HMGB1: variants seen among roughly 807,000 people sequenced by gnomAD.
HMGB1 encodes high mobility group protein B1.
For synonymous variants in HMGB1, 81 were observed against 84.0 expected, an observed-to-expected ratio of 0.96 and a Z score of 0.19; for missense variants, 79 against 253.5, an observed-to-expected ratio of 0.31 and a Z score of 4.67.
At chr13:30,555,403 A>G (rs1269881713) in intron 1 of HMGB1, among the ~76,000 whole-genome samples, 2 of 152,152 alleles carry the variant, frequency 1.3e-5, no homozygotes, top group East Asian at 3.9e-4. Flanking sequence ...ATTAGGAGAG[A>G]TTAATTTGTG....
rs116399841 is a variant in HMGB1 at position 30,598,591 on chromosome 13, A to G, written c.-15+18080T>C. On this transcript the variant is annotated intron_variant, in intron 1 of 4. Transcript: ENST00000405805. Reference sequence around the variant, plus strand: ...ATAACTAAAGCTTGCTAGACAAAATACACCTGAAAATATAGGAAGTGAGCT... The same window carrying G: ...ATAACTAAAGCTTGCTAGACAAAATGCACCTGAAAATATAGGAAGTGAGCT... Among the ~76,000 whole-genome samples the G allele has an allele frequency of 7.5e-3, 1,146 of 152,336 alleles. 10 individuals are homozygous for G. The highest frequency in any genetic ancestry group is 0.025 in the African/African-American group (1,055 of 41,574).
chr13:30,502,735 T>A (rs1463237796), intron 1 of HMGB1, among the ~76,000 whole-genome samples: 2 of 151,930 alleles, frequency 1.3e-5, no homozygotes, highest in Non-Finnish European at 2.9e-5. Flanking sequence ...CCCGGCTCAC[T>A]GCAACCTCCA....
At chr13:30,533,959 G>C (rs1378635216) in intron 1 of HMGB1, among the ~76,000 whole-genome samples, 1 of 151,212 alleles carries the variant, frequency 6.6e-6, no homozygotes. Context: ...CCGCCTCCCA[G>C]GTTCAAGCAA....
chr13:30,520,738 G>A (rs936876693), intron 1 of HMGB1, among the ~76,000 whole-genome samples: 2 of 152,170 alleles, frequency 1.3e-5, no homozygotes, highest in Non-Finnish European at 2.9e-5. Context: ...TATTCACTCA[G>A]TATCGTCCTC....
intron 1 of HMGB1, chr13:30,464,462 C>T (rs1353275322): frequency 1.9e-5 from 19 of 984,958 alleles, no homozygotes; most frequent in Non-Finnish European, 2.3e-5. Flanking sequence ...GTGACTCCTG[C>T]GCGGGGCGAG....
intron 1 of HMGB1, among the ~76,000 whole-genome samples, chr13:30,555,186 C>T (rs1056495429): frequency 6.6e-6 from 1 of 151,752 alleles, no homozygotes; most frequent in Admixed American, 6.6e-5. Context: ...GGAATACAGG[C>T]GCCCGCCACC....
rs942406341 is a variant in HMGB1, at chr13:30,557,357, G to A, written c.-15+59314C>T. On this transcript the variant is annotated intron_variant, in intron 1 of 4. Transcript: ENST00000405805. ...TAATCAATGTGATCCTCCTCAACGC[G>A]AGTTCCAGAGCTAAAAAGAATGCCT... Among the ~76,000 whole-genome samples, 2 of 152,260 alleles carry A rather than the reference G, an allele frequency of 1.3e-5. 1 individual carries two copies. Among genetic ancestry groups the A allele is most frequent in the Middle Eastern group, 6.8e-3 (2 of 294 alleles).
At chr13:30,492,344 T>TA (rs1025410673) in intron 1 of HMGB1, among the ~76,000 whole-genome samples, 6 of 147,554 alleles carry the variant, frequency 4.1e-5, no homozygotes, top group African/African-American at 5.0e-5. Context: ...ATTCATACAT[T>TA]AAAAAAAAAT....
At chr13:30,520,441 G>A (rs1429706767) in intron 1 of HMGB1, among the ~76,000 whole-genome samples, 1 of 152,012 alleles carries the variant, frequency 6.6e-6, no homozygotes, top group East Asian at 1.9e-4. Context: ...CCAACATGGT[G>A]AAACCCTGTT....
chr13:30,510,734 T>G (rs1007422623), intron 1 of HMGB1, among the ~76,000 whole-genome samples: 5 of 152,186 alleles, frequency 3.3e-5, no homozygotes, highest in Admixed American at 2.6e-4. Context: ...AAGTTCCTCA[T>G]GAAAAGAAGC....
At chr13:30,543,699 A>G (rs1869018277) in intron 1 of HMGB1, among the ~76,000 whole-genome samples, 1 of 152,150 alleles carries the variant, frequency 6.6e-6, no homozygotes. Flanking sequence ...TAGGGCAGGG[A>G]TGCTAAAAGA....
At position 30,597,183 on chromosome 13, in the gene HMGB1, G is replaced by A. The variant is rs983717400; in HGVS notation, c.-15+19488C>T. 1.1e-3 allele frequency among the ~76,000 whole-genome samples: 163 copies of A among 151,924 alleles called. 1 individual carries two copies. The highest frequency in any genetic ancestry group is 8.1e-4 in the Non-Finnish European group (55 of 68,014). On this transcript the variant is annotated intron_variant, in intron 1 of 4. Coordinates refer to the HMGB1 transcript ENST00000405805. ...GGGTCTTTGCAAGTGATAAAGAAGA[G>A]GTCATGGAGTGACCTAATCCAATAC...
intron 1 of HMGB1, among the ~76,000 whole-genome samples, chr13:30,480,664 C>G (rs1454250354): frequency 6.6e-6 from 1 of 152,126 alleles, no homozygotes; most frequent in Non-Finnish European, 1.5e-5. Flanking sequence ...TGAGGACCTG[C>G]TCCCTTCTAT....
At chr13:30,491,704 C>T (rs1887497037) in intron 1 of HMGB1, among the ~76,000 whole-genome samples, 1 of 150,984 alleles carries the variant, frequency 6.6e-6, no homozygotes, top group South Asian at 2.1e-4. Context: ...TTGACTTTTA[C>T]ATCATGCTAC....
At chr13:30,503,098 G>C (rs558876531) in intron 1 of HMGB1, among the ~76,000 whole-genome samples, 1 of 152,098 alleles carries the variant, frequency 6.6e-6, no homozygotes, top group South Asian at 2.1e-4. Flanking sequence ...AGCACTTTGG[G>C]AGGCCGAGGC....
chr13:30,474,401 T>A (rs887746193), intron 1 of HMGB1, among the ~76,000 whole-genome samples: 1 of 152,190 alleles, frequency 6.6e-6, no homozygotes. Flanking sequence ...ACATATTCTG[T>A]GCTTAAAGTA....
chr13:30,571,228 T>G (rs1335717546), intron 1 of HMGB1, among the ~76,000 whole-genome samples: 1 of 152,076 alleles, frequency 6.6e-6, no homozygotes, highest in East Asian at 1.9e-4. Flanking sequence ...ATGTAGAAAG[T>G]TTGACAACTT....
intron 1 of HMGB1, among the ~76,000 whole-genome samples, chr13:30,600,689 C>T (rs1211656677): frequency 6.6e-6 from 1 of 152,092 alleles, no homozygotes; most frequent in Non-Finnish European, 1.5e-5. Context: ...TCACTGCAAC[C>T]TCCGCCTCCT....
At chr13:30,528,106 C>G (rs1036894406) in intron 1 of HMGB1, among the ~76,000 whole-genome samples, 2 of 152,258 alleles carry the variant, frequency 1.3e-5, no homozygotes, top group African/African-American at 4.8e-5. Flanking sequence ...TGACCCAGAG[C>G]AGGGAACTCG....
Sources: allele counts gnomAD v4.1 joint callset (sites outside exome capture counted in the v4.1 genomes callset), GRCh38; gene constraint gnomAD v4.1.1; transcripts MANE v1.5; gene names NCBI Gene and HGNC (gene_info 2026-07-23, HGNC 2026-07-21).